Variants in LAMA2 observed in about 807,000 individuals in gnomAD.
The protein encoded by LAMA2 is laminin subunit alpha-2.
In LAMA2, 269 loss-of-function variants were observed where a neutral mutation model predicts 364.8. That is an observed-to-expected ratio of 0.74 (90% CI 0.67 to 0.82). The LOEUF is 0.82. LAMA2 is among the 40% of genes least tolerant of loss of function. The pLI is 0.00. For synonymous variants in LAMA2, 1,379 were observed against 1,370.6 expected, an observed-to-expected ratio of 1.01 and a Z score of -0.14; for missense variants, 3,807 against 3,873.2, an observed-to-expected ratio of 0.98 and a Z score of 0.45.
intron 45 of LAMA2, 31 bp from the exon 46 acceptor site, chr6:129,452,957 C>A: frequency 6.2e-7 from 1 of 1,604,278 alleles, no homozygotes; most frequent in Non-Finnish European, 8.5e-7. Context: ...GAGATTTACT[C>A]TTGGTTCTTT....
intron 19 of LAMA2, among the ~76,000 whole-genome samples, chr6:129,290,117 TTTG>T (rs1368921989): frequency 6.6e-6 from 1 of 152,168 alleles, no homozygotes; most frequent in Non-Finnish European, 1.5e-5. Flanking sequence ...TTTATACTGC[TTTG>T]TTGTTTTTAC....
intron 12 of LAMA2, among the ~76,000 whole-genome samples, chr6:129,214,296 G>A (rs73599099): frequency 0.072 from 10,983 of 152,132 alleles, 794 homozygotes; most frequent in African/African-American, 0.18. Flanking sequence ...ACACAAGAGG[G>A]AGCCTTCCTT....
intron 43 of LAMA2, chr6:129,442,773 T>A: frequency 6.8e-6 from 3 of 442,446 alleles, no homozygotes; most frequent in Non-Finnish European, 1.3e-5. Flanking sequence ...TCCTATCCTC[T>A]ATTATGAGAA....
At chr6:129,227,786 TGAG>T (rs1458386467) in intron 12 of LAMA2, among the ~76,000 whole-genome samples, 2 of 152,170 alleles carry the variant, frequency 1.3e-5, no homozygotes, top group South Asian at 2.1e-4. Context: ...GGGATCCACT[TGAG>T]GAGGCAGTCT....
chr6:129,479,128 T>A (rs1035397193), intron 54 of LAMA2, among the ~76,000 whole-genome samples: 1 of 152,190 alleles, frequency 6.6e-6, no homozygotes, highest in African/African-American at 2.4e-5. Context: ...TTGTCATCCA[T>A]TTTAAATTTA....
At chr6:128,895,714 G>C (rs1285657584) in intron 1 of LAMA2, among the ~76,000 whole-genome samples, 1 of 152,094 alleles carries the variant, frequency 6.6e-6, no homozygotes, top group Non-Finnish European at 1.5e-5. Flanking sequence ...TAGCAGAAGA[G>C]ATTTTTATTC....
chr6:129,495,591 T>C (rs1333961645), intron 58 of LAMA2, among the ~76,000 whole-genome samples: 1 of 152,178 alleles, frequency 6.6e-6, no homozygotes, highest in South Asian at 2.1e-4. Context: ...ATGGACCTTC[T>C]TCTCTACCAC....
At chr6:129,227,798 C>T (rs986792319) in intron 12 of LAMA2, among the ~76,000 whole-genome samples, 2 of 152,160 alleles carry the variant, frequency 1.3e-5, no homozygotes, top group African/African-American at 4.8e-5. Context: ...AGGAGGCAGT[C>T]TGTTCATTCT....
At chr6:129,400,689 A>G (rs1195723516) in intron 37 of LAMA2, among the ~76,000 whole-genome samples, 1 of 152,254 alleles carries the variant, frequency 6.6e-6, no homozygotes, top group Non-Finnish European at 1.5e-5. Flanking sequence ...AAGAAAAATT[A>G]TAATCTATTC....
chr6:129,145,842 T>A (rs1431294445), intron 5 of LAMA2, among the ~76,000 whole-genome samples: 1 of 151,978 alleles, frequency 6.6e-6, no homozygotes, highest in Admixed American at 6.6e-5. Flanking sequence ...AAAATAGATT[T>A]CCCAGTTTTA....
rs542709732 is a variant in LAMA2, at chr6:129,161,217, A to G, written c.1207-4359A>G. ...TATTAACATTGCCACAGCAGTTTTC[A>G]TATGCTTACTCTGTATGGTATGTTT... On this transcript the variant is annotated intron_variant, in intron 8 of 64. Coordinates refer to ENST00000421865, the MANE Select transcript of LAMA2 (RefSeq NM_000426.4). Among the ~76,000 whole-genome samples, 16 of 152,190 alleles carry G rather than the reference A, an allele frequency of 1.1e-4. No homozygotes were observed. In the South Asian group the frequency reaches 3.1e-3, roughly 30 times the overall value.
intron 22 of LAMA2, among the ~76,000 whole-genome samples, chr6:129,308,555 C>G (rs1774019592): frequency 6.6e-6 from 1 of 151,894 alleles, no homozygotes; most frequent in African/African-American, 2.4e-5. Flanking sequence ...CTAAAGTTGA[C>G]TGAATTTTTT....
At chr6:129,242,282 A>T (rs1042440340) in intron 12 of LAMA2, among the ~76,000 whole-genome samples, 1 of 152,176 alleles carries the variant, frequency 6.6e-6, no homozygotes, top group Admixed American at 6.5e-5. Flanking sequence ...AAGGTTAACT[A>T]CAATTCTCAT....
chr6:129,388,172 G>A (rs372373220), intron 35 of LAMA2, among the ~76,000 whole-genome samples: 17 of 151,476 alleles, frequency 1.1e-4, no homozygotes, highest in African/African-American at 3.4e-4. Flanking sequence ...CAGTAGAATC[G>A]CTTGAACCCA....
At chr6:129,348,693 A>G (rs1302350163) in intron 30 of LAMA2, among the ~76,000 whole-genome samples, 1 of 152,206 alleles carries the variant, frequency 6.6e-6, no homozygotes. Flanking sequence ...AGTCATTTTC[A>G]TAGAAAAAGC....
At chr6:129,315,724 A>T (rs1408902375) in intron 25 of LAMA2, 38 bp from the exon 26 acceptor site, 1 of 1,612,012 alleles carries the variant, frequency 6.2e-7, no homozygotes, top group Non-Finnish European at 8.5e-7. Context: ...CCATTTGGAG[A>T]TTTATCCAAT....
chr6:129,373,139 C>T (rs893541336), intron 34 of LAMA2, among the ~76,000 whole-genome samples: 9 of 152,070 alleles, frequency 5.9e-5, no homozygotes, highest in Middle Eastern at 3.2e-3. Flanking sequence ...TTAATTGTAA[C>T]GAAGCCCAGC....
intron 12 of LAMA2, among the ~76,000 whole-genome samples, chr6:129,213,430 C>A (rs1783227722): frequency 6.6e-6 from 1 of 152,146 alleles, no homozygotes. Context: ...TCAGAGCATG[C>A]TAGTTTTGTA....
chr6:129,297,743 T>C lies in LAMA2; in HGVS notation c.2915T>C (p.Phe972Ser). 1 of 1,614,154 alleles carries C rather than the reference T, an allele frequency of 6.2e-7. No individual in the cohort carries two copies. Among genetic ancestry groups the C allele is most frequent in the Non-Finnish European group, 8.5e-7 (1 of 1,180,002 alleles). ...RGCVPCNCNSFGSKSFDCEES... is the reference protein window; with the variant it reads ...RGCVPCNCNSSGSKSFDCEES... Reference sequence around the variant, plus strand: ...TGTGTTCCCTGCAACTGCAATTCTTTTGGGTCTAAGTCATTCGACTGTGAA... The same window carrying C: ...TGTGTTCCCTGCAACTGCAATTCTTCTGGGTCTAAGTCATTCGACTGTGAA... Residue 972 changes from phenylalanine (F) to serine (S), a missense_variant, in exon 21 of 65, where the codon TTT becomes TCT. Coordinates refer to ENST00000421865, the MANE Select transcript of LAMA2 (RefSeq NM_000426.4).
Sources: gnomAD v4.1 joint callset for allele counts (sites outside exome capture counted in the v4.1 genomes callset) on GRCh38, gnomAD v4.1.1 for gene constraint, MANE v1.5 for transcripts, NCBI Gene and HGNC (gene_info 2026-07-23, HGNC 2026-07-21) for gene names.